KLF12: variants seen among roughly 807,000 people sequenced by gnomAD.
KLF12 encodes Krueppel-like factor 12.
A neutral mutation model predicts 37.8 loss-of-function variants in KLF12; 9 were observed. The ratio of observed to expected loss-of-function variants is 0.24; its 90% CI spans 0.14 to 0.42. The LOEUF is 0.42. Among genes scored for constraint, KLF12 ranks in the 10% least tolerant of loss-of-function variants. KLF12 has a pLI of 1.00. For missense variants in KLF12, 411 were observed against 516.0 expected (o/e 0.80, Z 1.97); for synonymous variants, 208 against 202.1 (o/e 1.03, Z -0.25).
intron 1 of KLF12, among the ~76,000 whole-genome samples, chr13:74,041,294 G>C (rs1163984375): frequency 6.6e-6 from 1 of 152,134 alleles, no homozygotes; most frequent in Admixed American, 6.5e-5. Context: ...GTGCCCTGTA[G>C]TATAGTTTCT....
At chr13:73,775,336 G>C (rs1034254939) in intron 5 of KLF12, among the ~76,000 whole-genome samples, 1 of 152,104 alleles carries the variant, frequency 6.6e-6, no homozygotes, top group Non-Finnish European at 1.5e-5. Flanking sequence ...AGAAAGAAAA[G>C]AGTAAAAGAA....
chr13:74,023,370 T>C (rs1254379682), intron 1 of KLF12, among the ~76,000 whole-genome samples: 2 of 152,196 alleles, frequency 1.3e-5, no homozygotes, highest in African/African-American at 4.8e-5. Flanking sequence ...GCAGGTGTAT[T>C]AGTTTCCTAG....
At chr13:74,093,967 C>CAA (rs59531736) in intron 1 of KLF12, among the ~76,000 whole-genome samples, 2 of 122,632 alleles carry the variant, frequency 1.6e-5, no homozygotes, top group South Asian at 3.0e-4. Flanking sequence ...CAGTAAAATG[C>CAA]AAAAAAAAAA....
the KLF12 span, among the ~76,000 whole-genome samples, chr13:74,148,494 A>T: frequency 1.6e-5 from 1 of 61,830 alleles, no homozygotes. Context: ...CTCCCCCCCC[A>T]CCCCACCCCG....
chr13:73,705,976 A>AC (rs1425395395), intron 7 of KLF12, among the ~76,000 whole-genome samples: 1 of 152,052 alleles, frequency 6.6e-6, no homozygotes, highest in Non-Finnish European at 1.5e-5. Flanking sequence ...ACATGGTGAA[A>AC]CCCCGTCTCT....
chr13:74,253,837 T>C, the KLF12 span, among the ~76,000 whole-genome samples: 3 of 152,196 alleles, frequency 2.0e-5, no homozygotes, highest in Non-Finnish European at 4.4e-5. Context: ...ATGAAAACAC[T>C]ACAAATTATG....
intron 4 of KLF12, among the ~76,000 whole-genome samples, chr13:73,839,063 C>A (rs9565050): frequency 0.2 from 30,507 of 151,242 alleles, 3,771 homozygotes; most frequent in East Asian, 0.49. Context: ...GTTTTTTTCT[C>A]CCCAGATCTT....
chr13:74,276,156 G>T, the KLF12 span, among the ~76,000 whole-genome samples: 1 of 151,792 alleles, frequency 6.6e-6, no homozygotes, highest in South Asian at 2.1e-4. Flanking sequence ...AGGCCCCAGT[G>T]TGTGATGTTC....
the KLF12 span, among the ~76,000 whole-genome samples, chr13:74,143,336 T>TCAAATACAATTTCATTCTCAATTC: frequency 0.97 from 144,758 of 148,930 alleles, 70,436 homozygotes; most frequent in Middle Eastern, 1. Context: ...TATACAGAAT[T>TCAAATACAATTTCATTCTCAATTC]CAAATACAAT....
At chr13:73,929,083 A>G (rs1292529567) in intron 3 of KLF12, among the ~76,000 whole-genome samples, 2 of 152,220 alleles carry the variant, frequency 1.3e-5, no homozygotes, top group African/African-American at 2.4e-5. Context: ...TGAGAAGAGA[A>G]TTAATCCACA....
chr13:74,159,780 A>C, the KLF12 span, among the ~76,000 whole-genome samples: 4 of 152,080 alleles, frequency 2.6e-5, no homozygotes, highest in South Asian at 2.1e-4. Flanking sequence ...GTATTTTGGG[A>C]AACTGAGGTG....
At chr13:74,238,753 G>A in the KLF12 span, among the ~76,000 whole-genome samples, 104 of 151,802 alleles carry the variant, frequency 6.9e-4, 1 homozygote, top group Middle Eastern at 3.4e-3. Context: ...ATTCTCTGAT[G>A]GTAGTTTGTA....
chr13:73,782,598 C>T (rs775717318), intron 5 of KLF12, among the ~76,000 whole-genome samples: 8 of 152,200 alleles, frequency 5.3e-5, no homozygotes, highest in Non-Finnish European at 1.0e-4. Flanking sequence ...ACCCGACAAA[C>T]TTCAATCACT....
chr13:73,911,193 A>C (rs1888552666), intron 3 of KLF12, among the ~76,000 whole-genome samples: 1 of 152,138 alleles, frequency 6.6e-6, no homozygotes, highest in South Asian at 2.1e-4. Context: ...AGGACATCTC[A>C]CTGGGCCCCA....
At chr13:73,783,460 TA>T (rs1452670718) in intron 5 of KLF12, among the ~76,000 whole-genome samples, 1 of 152,054 alleles carries the variant, frequency 6.6e-6, no homozygotes, top group African/African-American at 2.4e-5. Flanking sequence ...TATTTCAGAA[TA>T]ACTGAAACAA....
chr13:74,050,787 CAG>C (rs754763090), intron 1 of KLF12, among the ~76,000 whole-genome samples: 21 of 152,252 alleles, frequency 1.4e-4, no homozygotes, highest in Non-Finnish European at 2.6e-4. Flanking sequence ...AGACAACCTA[CAG>C]AATGAGAGAT....
At chr13:74,271,361 A>G in the KLF12 span, among the ~76,000 whole-genome samples, 1 of 152,290 alleles carries the variant, frequency 6.6e-6, no homozygotes, top group Non-Finnish European at 1.5e-5. Flanking sequence ...ACTAAGAATA[A>G]GCCTTGGACA....
At chr13:73,803,036 A>G (rs568149996) in intron 5 of KLF12, among the ~76,000 whole-genome samples, 8 of 152,220 alleles carry the variant, frequency 5.3e-5, no homozygotes, top group Non-Finnish European at 1.2e-4. Flanking sequence ...CAAAGCAGAC[A>G]AAGGTTTTGA....
At chr13:73,939,411 T>C (rs889402624) in intron 3 of KLF12, among the ~76,000 whole-genome samples, 1 of 152,234 alleles carries the variant, frequency 6.6e-6, no homozygotes, top group East Asian at 1.9e-4. Flanking sequence ...TATTCTGTTA[T>C]TGACATTATT....
Sources: gnomAD v4.1 joint callset for allele counts (sites outside exome capture counted in the v4.1 genomes callset) on GRCh38, gnomAD v4.1.1 for gene constraint, MANE v1.5 for transcripts, NCBI Gene and HGNC (gene_info 2026-07-23, HGNC 2026-07-21) for gene names.